Variants in CDH20 observed in about 807,000 individuals in gnomAD.
CDH20 encodes the protein cadherin-20.
A neutral mutation model predicts 74.2 loss-of-function variants in CDH20; 29 were observed. The ratio of observed to expected loss-of-function variants is 0.39; its 90% CI spans 0.29 to 0.53. The LOEUF (loss-of-function observed/expected upper bound fraction) is 0.53, where lower values mean the gene tolerates loss of function less well. Among genes scored for constraint, CDH20 ranks in the 20% least tolerant of loss-of-function variants. CDH20 has a pLI of 0.69. For missense variants in CDH20, 988 were observed against 1,048.3 expected, an observed-to-expected ratio of 0.94 and a Z score of 0.79; for synonymous variants, 469 against 405.4, an observed-to-expected ratio of 1.16 and a Z score of -1.88.
At chr18:61,341,032 T>C (rs1437088785) in intron 1 of CDH20, among the ~76,000 whole-genome samples, 7 of 152,192 alleles carry the variant, frequency 4.6e-5, no homozygotes, top group Non-Finnish European at 1.0e-4. Flanking sequence ...GTAGGCAGTA[T>C]CACCTACCTA....
At position 61,385,582 on chromosome 18, in the gene CDH20, G is replaced by T. The variant is rs183189462; in HGVS notation, c.-153+51755G>T. On this transcript the variant is annotated intron_variant, in intron 1 of 11. Coordinates refer to ENST00000262717, the MANE Select transcript of CDH20 (RefSeq NM_031891.4). ...GAAATGAAAAGGCAAAAAAAAATTT[G>T]GGGAAAAAAAACCTTACCATAGTTA... 2.3e-3 allele frequency among the ~76,000 whole-genome samples: 327 copies of T among 142,322 alleles called. 4 individuals carry two copies. The highest frequency in any genetic ancestry group is 7.4e-3 in the African/African-American group (301 of 40,480). 93.4% of individuals were successfully genotyped at this position (142,322 alleles called of 152,430 possible).
At chr18:61,551,883 C>A in intron 11 of CDH20, among the ~76,000 whole-genome samples, 1 of 152,210 alleles carries the variant, frequency 6.6e-6, no homozygotes, top group East Asian at 1.9e-4. Flanking sequence ...TTTAAAGAGA[C>A]TGGCTTGGAG....
chr18:61,490,424 A>G lies in CDH20; in HGVS notation c.-130A>G, dbSNP rs1306645280. ...CAGGAAGTCAACTTCAAGCAGATTG[A>G]CTTGAAACGGGATCTCATTTAGGAA... On this transcript the variant is annotated 5_prime_UTR_variant, in exon 2 of 12. Transcript: ENST00000262717. 1.1e-6 allele frequency: 1 copy of G among 870,970 alleles called. No homozygotes were observed. Among genetic ancestry groups the G allele is most frequent in the Non-Finnish European group, 1.8e-6 (1 of 557,528 alleles). 54.0% of individuals were successfully genotyped at this position (870,970 alleles called of 1,614,324 possible). A position where few individuals can be genotyped will look rare whatever the true frequency, so the allele number is the denominator to read the frequency against.
chr18:61,405,735 C>A (rs113560529), intron 1 of CDH20, among the ~76,000 whole-genome samples: 1 of 152,190 alleles, frequency 6.6e-6, no homozygotes, highest in Non-Finnish European at 1.5e-5. Flanking sequence ...TGTTAAAATG[C>A]AAATTCTTGG....
At chr18:61,483,281 C>T (rs1293582684) in intron 1 of CDH20, among the ~76,000 whole-genome samples, 1 of 152,116 alleles carries the variant, frequency 6.6e-6, no homozygotes, top group Non-Finnish European at 1.5e-5. Context: ...TAGCATTTGC[C>T]AATACCCATG....
intron 6 of CDH20, among the ~76,000 whole-genome samples, chr18:61,516,895 G>T (rs1486664257): frequency 6.6e-6 from 1 of 151,994 alleles, no homozygotes. Flanking sequence ...AGACAATTGA[G>T]GGCAATGTTT....
chr18:61,554,332 G>C lies in CDH20; in HGVS notation c.2043G>C (p.Ala681=), dbSNP rs149566490. Residue 681 remains alanine (A), a synonymous_variant, in exon 12 of 12, where the codon GCG becomes GCC. Transcript: ENST00000262717. ...GEEDTEAFDI[A]AMWNPREAQA... Reference sequence around the variant, plus strand: ...AGGACACCGAGGCCTTCGACATCGCGGCCATGTGGAACCCCCGGGAGGCGC... The same window carrying C: ...AGGACACCGAGGCCTTCGACATCGCCGCCATGTGGAACCCCCGGGAGGCGC... 1.5e-5 allele frequency: 25 copies of C among 1,613,650 alleles called. No individual in the cohort carries two copies. Among genetic ancestry groups the C allele is most frequent in the African/African-American group, 6.7e-5 (5 of 75,048 alleles).
intron 1 of CDH20, among the ~76,000 whole-genome samples, chr18:61,338,280 C>T (rs992785251): frequency 6.6e-6 from 1 of 152,038 alleles, no homozygotes; most frequent in African/African-American, 2.4e-5. Context: ...TTGCAACAAC[C>T]TATTTTAAAG....
chr18:61,385,532 G>A (rs1182035813), intron 1 of CDH20, among the ~76,000 whole-genome samples: 1 of 149,658 alleles, frequency 6.7e-6, no homozygotes, highest in African/African-American at 2.4e-5. Context: ...CGAACATAAT[G>A]GACCATACCT....
intron 1 of CDH20, among the ~76,000 whole-genome samples, chr18:61,453,276 G>GT (rs200865676): frequency 5.3e-5 from 8 of 152,060 alleles, no homozygotes; most frequent in Admixed American, 2.6e-4. Context: ...AATCTTTTCT[G>GT]TTTTTTTGTT....
At chr18:61,367,108 GGTGCACACTTTTAAAACATTTCCTCTC>G in intron 1 of CDH20, among the ~76,000 whole-genome samples, 1 of 152,108 alleles carries the variant, frequency 6.6e-6, no homozygotes, top group East Asian at 1.9e-4. Context: ...TTTTACAAAA[GGTGCACACTTTTAAAACATTTCCTCTC>G]ATGTAAAGGG....
At chr18:61,467,237 A>C (rs1425027593) in intron 1 of CDH20, among the ~76,000 whole-genome samples, 2 of 152,186 alleles carry the variant, frequency 1.3e-5, no homozygotes, top group Non-Finnish European at 2.9e-5. Context: ...TGCAAATTGT[A>C]GTATTGGAAA....
rs772922037 is a variant in CDH20 at position 61,554,367 on chromosome 18, C to A, written c.2078C>A (p.Ala693Asp). 1 of 1,612,966 alleles carries A rather than the reference C, an allele frequency of 6.2e-7. No individual in the cohort carries two copies. Among genetic ancestry groups the A allele is most frequent in the South Asian group, 1.1e-5 (1 of 91,036 alleles). Residue 693 changes from alanine (A) to aspartate (D), a missense_variant, in exon 12 of 12, where the codon GCC (alanine) becomes GAC (aspartate). Ala to Asp is a moderately radical substitution (Grantham distance 126). This residue lies in a region of CDH20 where 375 missense variants were observed against 293.1 expected (regional missense o/e 1.28). Transcript: ENST00000262717. ...MWNPREAQAG[A>D]APKTRQDMLP... ...AACCCCCGGGAGGCGCAGGCGGGGG[C>A]CGCCCCCAAGACGCGGCAGGACATG...
chr18:61,527,366 A>AATAGATAGATAG lies in CDH20; in HGVS notation c.1018-563_1018-552dup, dbSNP rs10585438. On this transcript the variant is annotated intron_variant, in intron 6 of 11. Coordinates refer to ENST00000262717, the MANE Select transcript of CDH20 (RefSeq NM_031891.4). ...TAGGCCTCAGTTGCATGAATATTCT[A>AATAGATAGATAG]ATAGATAGATAGATAGATAGATAGA... Among the ~76,000 whole-genome samples, 1,342 of 142,118 alleles carry AATAGATAGATAG rather than the reference A, an allele frequency of 9.4e-3. 17 individuals carry two copies. The highest frequency in any genetic ancestry group is 0.022 in the African/African-American group (848 of 38,880). The allele number at this position is 142,118 out of a possible 152,430, so 93.2% of individuals were successfully genotyped here. A position where few individuals can be genotyped will look rare whatever the true frequency, so the allele number is the denominator to read the frequency against.
chr18:61,497,836 C>T lies in CDH20; in HGVS notation c.247-1350C>T, dbSNP rs1354903807. 3.3e-5 allele frequency among the ~76,000 whole-genome samples: 5 copies of T among 152,158 alleles called. No homozygotes were observed. The East Asian group carries it at 9.7e-4, about 29-fold the overall frequency. ...CTCCCTGCCCCAAGCCTAATCCTGG[C>T]TGTTTTATCAAATAATCTCATGAAC... is the stretch of plus-strand genomic sequence containing the variant. On this transcript the variant is annotated intron_variant, in intron 2 of 11. Transcript: ENST00000262717.
intron 1 of CDH20, among the ~76,000 whole-genome samples, chr18:61,357,505 C>T (rs1910533365): frequency 6.6e-6 from 1 of 152,190 alleles, no homozygotes; most frequent in Non-Finnish European, 1.5e-5. Flanking sequence ...TTGCTCTGCT[C>T]TACTTAGCAT....
intron 1 of CDH20, among the ~76,000 whole-genome samples, chr18:61,337,895 G>A (rs764860247): frequency 4.6e-5 from 7 of 152,136 alleles, no homozygotes; most frequent in Admixed American, 3.3e-4. Flanking sequence ...ATATAAAAAA[G>A]GAACATCTTT....
At chr18:61,444,065 T>C (rs758148257) in intron 1 of CDH20, among the ~76,000 whole-genome samples, 16 of 152,130 alleles carry the variant, frequency 1.1e-4, no homozygotes, top group Non-Finnish European at 5.9e-5. Flanking sequence ...CTTTAGAGTT[T>C]GGGGCTTATA....
At chr18:61,428,611 T>G (rs1362304046) in intron 1 of CDH20, among the ~76,000 whole-genome samples, 1 of 152,186 alleles carries the variant, frequency 6.6e-6, no homozygotes, top group African/African-American at 2.4e-5. Flanking sequence ...CTCTCTTAGC[T>G]TCCACTGGTT....
Sources: allele counts gnomAD v4.1 joint callset (sites outside exome capture counted in the v4.1 genomes callset), GRCh38; gene constraint gnomAD v4.1.1; regional missense constraint gnomAD v4.1.1; transcripts MANE v1.5; gene names NCBI Gene and HGNC (gene_info 2026-07-23, HGNC 2026-07-21).